Variants in XIRP2 observed in about 807,000 individuals in gnomAD.
XIRP2 encodes xin actin binding repeat containing 2, also known as xin actin-binding repeat-containing protein 2.
XIRP2 carries 236 observed loss-of-function variants against 277.0 expected under a neutral mutation model. The ratio of observed to expected loss-of-function variants is 0.85; its 90% CI spans 0.77 to 0.95. The LOEUF is 0.95. Ranked by LOEUF, XIRP2 falls within the 40% of genes least tolerant of loss-of-function variation. The pLI, the probability that XIRP2 is intolerant of heterozygous loss-of-function variation, is 0.00. For synonymous variants in XIRP2, 1,490 were observed against 1,416.5 expected (o/e 1.05, Z -1.17); for missense variants, 4,640 against 4,157.5 (o/e 1.12, Z -3.19).
chr2:166,995,238 G>T (rs748854432), intron 2 of XIRP2, among the ~76,000 whole-genome samples: 9 of 152,280 alleles, frequency 5.9e-5, no homozygotes, highest in Non-Finnish European at 8.8e-5. Context: ...AATTGCTAGT[G>T]TATGTACATT....
Position 167,083,261 on chromosome 2 carries a change from C to T in XIRP2, c.409-52648C>T, listed in dbSNP as rs1214169292. On this transcript the variant is annotated intron_variant, in intron 2 of 10. Coordinates refer to ENST00000409195, the MANE Select transcript of XIRP2 (RefSeq NM_152381.6). Reference sequence around the variant, plus strand: ...CAAAGATCAGATAGTTGTAGATATGCGGCATTATTTCTGAGGGCTCTGTTC... The same window carrying T: ...CAAAGATCAGATAGTTGTAGATATGTGGCATTATTTCTGAGGGCTCTGTTC... 2.6e-4 allele frequency among the ~76,000 whole-genome samples: 39 copies of T among 152,020 alleles called. 1 individual carries two copies. The highest frequency in any genetic ancestry group is 2.1e-3 in the East Asian group (11 of 5,158).
At chr2:166,898,527 G>C (rs530241053) in intron 1 of XIRP2, among the ~76,000 whole-genome samples, 1 of 152,036 alleles carries the variant, frequency 6.6e-6, no homozygotes, top group East Asian at 1.9e-4. Context: ...TAGATTCATT[G>C]GACATAGCAA....
intron 2 of XIRP2, among the ~76,000 whole-genome samples, chr2:166,987,469 A>G (rs939850673): frequency 6.6e-6 from 1 of 152,244 alleles, no homozygotes; most frequent in African/African-American, 2.4e-5. Flanking sequence ...AACAGTTGAG[A>G]CATTTGGGGT....
At chr2:166,953,955 G>C (rs895067425) in intron 2 of XIRP2, among the ~76,000 whole-genome samples, 1 of 151,830 alleles carries the variant, frequency 6.6e-6, no homozygotes, top group Non-Finnish European at 1.5e-5. Context: ...ATTTTTCTAA[G>C]TTGAGATATA....
chr2:167,037,135 T>A (rs965993822), intron 2 of XIRP2, among the ~76,000 whole-genome samples: 4 of 152,192 alleles, frequency 2.6e-5, no homozygotes, highest in Admixed American at 1.3e-4. Context: ...ACTTTCAGCA[T>A]TGGACACATC....
At chr2:166,979,233 G>A (rs113820693) in intron 2 of XIRP2, among the ~76,000 whole-genome samples, 1 of 152,140 alleles carries the variant, frequency 6.6e-6, no homozygotes, top group South Asian at 2.1e-4. Context: ...CTGAATGAGA[G>A]AGAGAGCATT....
At chr2:167,103,092 TCG>T (rs1160494156) in intron 2 of XIRP2, among the ~76,000 whole-genome samples, 1 of 151,732 alleles carries the variant, frequency 6.6e-6, no homozygotes, top group Non-Finnish European at 1.5e-5. Flanking sequence ...TCAGTTCAGA[TCG>T]CGCCACTACA....
chr2:167,134,041 A>G (rs1265273070), intron 2 of XIRP2, among the ~76,000 whole-genome samples: 1 of 152,160 alleles, frequency 6.6e-6, no homozygotes, highest in East Asian at 1.9e-4. Context: ...TAATGAAGAC[A>G]GCATACATCA....
intron 2 of XIRP2, among the ~76,000 whole-genome samples, chr2:167,051,740 A>G (rs1688919951): frequency 6.6e-6 from 1 of 152,116 alleles, no homozygotes; most frequent in East Asian, 1.9e-4. Context: ...AAAAATATAT[A>G]CAGACAAAGA....
Position 167,243,625 on chromosome 2 carries a change from AG to A in XIRP2, c.2234del (p.Arg745LysfsTer23). The A allele has an allele frequency of 6.2e-7, 1 of 1,614,090 alleles. No homozygotes were observed. Among genetic ancestry groups the A allele is most frequent in the Middle Eastern group, 1.6e-4 (1 of 6,062 alleles). On this transcript the variant is annotated frameshift_variant, in exon 9 of 11. Transcript: ENST00000409195. LOFTEE classifies it high-confidence loss of function. ...CGAAACTCAACCATTATATGTTATT[AG>A]AGATGGTTCGGGCCAAATGCTGGAA... ...CFETQPLYVI[R>X]DGSGQMLEIK...
At position 166,910,518 on chromosome 2, in the gene XIRP2, T is replaced by C. The variant is rs527719955; in HGVS notation, c.408+6628T>C. Among the ~76,000 whole-genome samples, 200 of 152,312 alleles carry C rather than the reference T, an allele frequency of 1.3e-3. 4 individuals carry two copies. Among genetic ancestry groups the C allele is most frequent in the African/African-American group, 4.6e-3 (192 of 41,566 alleles). On this transcript the variant is annotated intron_variant, in intron 2 of 10. Transcript: ENST00000409195. ...TCTTCTCTCTTTTCTTCTTTATTAGTCTTGCTGATGGTCTATCAATTTTGT... is the reference window on the plus strand; with the variant it reads ...TCTTCTCTCTTTTCTTCTTTATTAGCCTTGCTGATGGTCTATCAATTTTGT...
rs79862114 is a variant in XIRP2 at position 167,169,984 on chromosome 2, C to A, written c.562+33922C>A. On this transcript the variant is annotated intron_variant, in intron 3 of 10. Transcript: ENST00000409195. ...AAGAGGTGAGAGTAGACATCATCAT[C>A]TCATTCTTAATATAGAAAAAGCATT... Among the ~76,000 whole-genome samples the A allele has an allele frequency of 1.3e-3, 192 of 152,210 alleles. 5 individuals carry two copies. In the East Asian group the frequency reaches 0.033, roughly 26 times the overall value.
At chr2:167,241,165 A>G (rs2105430709) in intron 7 of XIRP2, among the ~76,000 whole-genome samples, 1 of 152,266 alleles carries the variant, frequency 6.6e-6, no homozygotes, top group African/African-American at 2.4e-5. Context: ...AATTTCTGCA[A>G]GTTTGCACAA....
chr2:167,116,695 A>G (rs941911551), intron 2 of XIRP2, among the ~76,000 whole-genome samples: 2 of 152,110 alleles, frequency 1.3e-5, no homozygotes, highest in Admixed American at 6.5e-5. Context: ...TCTGTCTTTC[A>G]TCTTGTATTA....
At chr2:167,062,634 A>T (rs1180168307) in intron 2 of XIRP2, among the ~76,000 whole-genome samples, 1 of 152,168 alleles carries the variant, frequency 6.6e-6, no homozygotes, top group Non-Finnish European at 1.5e-5. Flanking sequence ...CAAGGAAGAT[A>T]TCTGGGCCTT....
intron 2 of XIRP2, among the ~76,000 whole-genome samples, chr2:166,998,127 AATT>A (rs1687272714): frequency 6.6e-6 from 1 of 152,152 alleles, no homozygotes; most frequent in Non-Finnish European, 1.5e-5. Flanking sequence ...TATGTTTAAA[AATT>A]ATTTTGCATT....
At position 167,141,963 on chromosome 2, in the gene XIRP2, C is replaced by T. The variant is rs150289195; in HGVS notation, c.562+5901C>T. ...GAATATTCTCTGAATGATCCCAGGC[C>T]CCCTAGTTGGAGCAACTATATTGCT... On this transcript the variant is annotated intron_variant, in intron 3 of 10. Coordinates refer to ENST00000409195, the MANE Select transcript of XIRP2 (RefSeq NM_152381.6). 7.0e-4 allele frequency among the ~76,000 whole-genome samples: 106 copies of T among 152,170 alleles called. No individual in the cohort carries two copies. The East Asian group carries it at 8.3e-3, about 12-fold the overall frequency.
intron 3 of XIRP2, among the ~76,000 whole-genome samples, chr2:167,168,825 AG>A (rs1470823675): frequency 6.6e-6 from 1 of 152,060 alleles, no homozygotes; most frequent in Non-Finnish European, 1.5e-5. Context: ...CCTGTTAGCC[AG>A]GATGATCTCG....
intron 2 of XIRP2, among the ~76,000 whole-genome samples, chr2:166,985,855 G>C (rs904620889): frequency 2.0e-5 from 3 of 152,154 alleles, no homozygotes; most frequent in East Asian, 3.9e-4. Flanking sequence ...CTCCCAAAGA[G>C]GGAAGTATCA....
Sources: gnomAD v4.1 joint callset for allele counts (sites outside exome capture counted in the v4.1 genomes callset) on GRCh38, gnomAD v4.1.1 for gene constraint, MANE v1.5 for transcripts, NCBI Gene and HGNC (gene_info 2026-07-23, HGNC 2026-07-21) for gene names.